DIS3L2: variants seen among roughly 807,000 people sequenced by gnomAD.
The protein encoded by DIS3L2 is DIS3 like 3'-5' exoribonuclease 2.
Under a neutral mutation model 97.5 loss-of-function variants are expected in DIS3L2, and 34 were observed. That is an observed-to-expected ratio of 0.35 (90% confidence interval 0.27 to 0.46). The LOEUF (loss-of-function observed/expected upper bound fraction) is 0.46, where lower values mean the gene tolerates loss of function less well. Ranked by LOEUF, DIS3L2 falls within the 20% of genes least tolerant of loss-of-function variation. DIS3L2 has a pLI of 1.00. For missense variants in DIS3L2, 1,038 were observed against 1,146.0 expected (o/e 0.91, Z 1.36); for synonymous variants, 435 against 445.2 (o/e 0.98, Z 0.29).
At chr2:232,044,275 G>A (rs1249918733) in intron 5 of DIS3L2, among the ~76,000 whole-genome samples, 1 of 152,146 alleles carries the variant, frequency 6.6e-6, no homozygotes, top group Non-Finnish European at 1.5e-5. Context: ...TAAAGCAAAG[G>A]GGCAAAATTG....
chr2:232,148,748 CTTTT>C (rs34837114), intron 8 of DIS3L2, among the ~76,000 whole-genome samples: 2 of 98,890 alleles, frequency 2.0e-5, no homozygotes, highest in African/African-American at 3.9e-5. Context: ...AATTTTCTTT[CTTTT>C]TTTTTTTTTT....
intron 12 of DIS3L2, 41 bp from the exon 13 acceptor site, chr2:232,263,166 T>C (rs1693758328): frequency 1.3e-6 from 2 of 1,597,418 alleles, no homozygotes; most frequent in South Asian, 2.2e-5. Context: ...CTGAAAAACA[T>C]TTGTCCTCAC....
At chr2:232,069,294 T>C (rs1342917457) in intron 5 of DIS3L2, among the ~76,000 whole-genome samples, 3 of 152,250 alleles carry the variant, frequency 2.0e-5, no homozygotes, top group African/African-American at 7.2e-5. Flanking sequence ...GTTATATCTC[T>C]GCTTTGATTC....
intron 5 of DIS3L2, among the ~76,000 whole-genome samples, chr2:232,043,574 C>T (rs975328320): frequency 1.3e-5 from 2 of 152,144 alleles, no homozygotes; most frequent in South Asian, 2.1e-4. Flanking sequence ...ACAAATATAT[C>T]CCCACTACTG....
At chr2:232,100,257 G>A (rs890883418) in intron 6 of DIS3L2, among the ~76,000 whole-genome samples, 2 of 146,848 alleles carry the variant, frequency 1.4e-5, no homozygotes, top group Non-Finnish European at 3.0e-5. Context: ...GGCTGGTCTC[G>A]AACTCCTGAC....
At chr2:232,065,332 T>C (rs1695824875) in intron 5 of DIS3L2, among the ~76,000 whole-genome samples, 2 of 151,998 alleles carry the variant, frequency 1.3e-5, no homozygotes, top group African/African-American at 4.8e-5. Flanking sequence ...TTATAAAAGG[T>C]TTATAGTAGT....
intron 9 of DIS3L2, among the ~76,000 whole-genome samples, chr2:232,190,598 GAGGAAGGA>G (rs200286068): frequency 2.6e-5 from 4 of 151,854 alleles, no homozygotes; most frequent in African/African-American, 7.3e-5. Flanking sequence ...GAGAGGAAGA[GAGGAAGGA>G]AGGAAGGAAG....
intron 9 of DIS3L2, among the ~76,000 whole-genome samples, chr2:232,205,976 C>T (rs1444495608): frequency 6.6e-6 from 1 of 152,154 alleles, no homozygotes; most frequent in East Asian, 1.9e-4. Context: ...TCCCTGCTTC[C>T]CTACAGTGAT....
intron 10 of DIS3L2, among the ~76,000 whole-genome samples, chr2:232,213,661 GTT>G (rs67846645): frequency 0.028 from 2,301 of 80,742 alleles, 69 homozygotes; most frequent in African/African-American, 0.096. Flanking sequence ...ATCATCTGTA[GTT>G]TTTTTTTTTT....
rs1296826867 is a variant in DIS3L2 at position 232,300,083 on chromosome 2, A to G, written c.1703A>G (p.Gln568Arg). The change falls in exon 14 of 21, where the codon CAA becomes CGA. Residue 568 changes from glutamine to arginine, a missense_variant. Gln to Arg is a conservative substitution (Grantham distance 43). Transcript: ENST00000325385. ...FTLDHETGLP[Q>R]GCHIYEYRES... Reference sequence around the variant, plus strand: ...CTGGACCACGAGACCGGATTGCCTCAAGGATGTCATATCTATGAGTACCGC... The same window carrying G: ...CTGGACCACGAGACCGGATTGCCTCGAGGATGTCATATCTATGAGTACCGC... The G allele has an allele frequency of 2.5e-6, 4 of 1,613,880 alleles. No individual in the cohort carries two copies. Among genetic ancestry groups the G allele is most frequent in the Non-Finnish European group, 2.5e-6 (3 of 1,179,852 alleles).
chr2:232,337,158 C>T lies in DIS3L2; in HGVS notation c.*528C>T. ...TGGCAGATGATTGATACTGGAGTCT[C>T]ATTCTGCCTGATTAAAAATGGAATT... On this transcript the variant is annotated 3_prime_UTR_variant, in exon 21 of 21. Transcript: ENST00000325385. 1.0e-6 allele frequency: 1 copy of T among 999,000 alleles called. No individual in the cohort carries two copies. The highest frequency in any genetic ancestry group is 4.5e-5 in the South Asian group (1 of 22,334). The allele number at this position is 999,000 out of a possible 1,614,324, so 61.9% of individuals were successfully genotyped here.
At chr2:231,964,634 G>A (rs1431748770) in intron 1 of DIS3L2, among the ~76,000 whole-genome samples, 1 of 152,200 alleles carries the variant, frequency 6.6e-6, no homozygotes, top group Non-Finnish European at 1.5e-5. Flanking sequence ...TTTTGGAAAT[G>A]ACATTATTTG....
intron 6 of DIS3L2, among the ~76,000 whole-genome samples, chr2:232,100,006 A>G (rs1697147558): frequency 6.6e-6 from 1 of 151,854 alleles, no homozygotes; most frequent in South Asian, 2.1e-4. Flanking sequence ...ATCTTTTCAA[A>G]GAACAATTTT....
At chr2:232,117,404 A>G (rs1697759966) in intron 6 of DIS3L2, among the ~76,000 whole-genome samples, 2 of 152,222 alleles carry the variant, frequency 1.3e-5, no homozygotes, top group South Asian at 4.1e-4. Context: ...TTCTTACGTA[A>G]ATCAGATGAT....
At chr2:232,234,109 G>C (rs1419462666) in intron 10 of DIS3L2, among the ~76,000 whole-genome samples, 1 of 152,166 alleles carries the variant, frequency 6.6e-6, no homozygotes, top group East Asian at 1.9e-4. Flanking sequence ...TGCAGTGACA[G>C]TTTATGGCGA....
chr2:232,064,243 A>G (rs1174606156), intron 5 of DIS3L2, among the ~76,000 whole-genome samples: 1 of 152,116 alleles, frequency 6.6e-6, no homozygotes, highest in Non-Finnish European at 1.5e-5. Context: ...CCCTCATCCC[A>G]CAGCCCCTGC....
Position 232,337,143 on chromosome 2 carries a change from T to TTGA in DIS3L2, c.*515_*517dup, listed in dbSNP as rs1695986575. 18 of 1,010,174 alleles carry TTGA rather than the reference T, an allele frequency of 1.8e-5. No homozygotes were observed. Among genetic ancestry groups the TTGA allele is most frequent in the South Asian group, 4.2e-5 (1 of 23,778 alleles). The allele number at this position is 1,010,174 out of a possible 1,614,324, so 62.6% of individuals were successfully genotyped here. A position where few individuals can be genotyped will look rare whatever the true frequency, so the allele number is the denominator to read the frequency against. On this transcript the variant is annotated 3_prime_UTR_variant, in exon 21 of 21. Coordinates refer to ENST00000325385, the MANE Select transcript of DIS3L2 (RefSeq NM_152383.5). The stretch of plus-strand genomic sequence containing the variant: ...TCAGAGCTGGCTGCCTGGCAGATGA[T>TTGA]TGATACTGGAGTCTCATTCTGCCTG...
intron 6 of DIS3L2, among the ~76,000 whole-genome samples, chr2:232,108,687 C>G (rs1437590360): frequency 6.6e-6 from 1 of 152,186 alleles, no homozygotes; most frequent in African/African-American, 2.4e-5. Context: ...GCTTCTTAAG[C>G]TGATAAGCAA....
chr2:232,197,698 G>C (rs1369465444), intron 9 of DIS3L2, among the ~76,000 whole-genome samples: 1 of 152,144 alleles, frequency 6.6e-6, no homozygotes, highest in Non-Finnish European at 1.5e-5. Context: ...GCTGGGCGCG[G>C]TGGCTCAAGC....
Sources: gnomAD v4.1 joint callset for allele counts (sites outside exome capture counted in the v4.1 genomes callset) on GRCh38, gnomAD v4.1.1 for gene constraint, MANE v1.5 for transcripts, NCBI Gene and HGNC (gene_info 2026-07-23, HGNC 2026-07-21) for gene names.